The following ITPKB variants were observed in gnomAD, a reference collection of about 807,000 sequenced individuals.
ITPKB encodes the protein IP3 3-kinase B.
ITPKB carries 13 observed loss-of-function variants against 69.4 expected under a neutral mutation model. The ratio of observed to expected loss-of-function variants is 0.19; its 90% CI spans 0.12 to 0.30. The LOEUF (loss-of-function observed/expected upper bound fraction) is 0.30. Ranked by LOEUF, ITPKB falls within the 10% of genes least tolerant of loss-of-function variation. The pLI, the probability that ITPKB is intolerant of heterozygous loss-of-function variation, is 1.00. For missense variants in ITPKB, 1,240 were observed against 1,250.5 expected, an observed-to-expected ratio of 0.99 and a Z score of 0.13; for synonymous variants, 584 against 513.7, an observed-to-expected ratio of 1.14 and a Z score of -1.85.
intron 2 of ITPKB, among the ~76,000 whole-genome samples, chr1:226,661,187 T>G (rs1669396908): frequency 2.0e-5 from 3 of 152,190 alleles, no homozygotes; most frequent in Admixed American, 2.0e-4. Flanking sequence ...TCTGGGGAGC[T>G]AGAGTTGCTT....
Position 226,697,132 on chromosome 1 carries a change from G to A in ITPKB, c.1932+38395C>T, listed in dbSNP as rs567035928. On this transcript the variant is annotated intron_variant, in intron 2 of 7. Coordinates refer to ENST00000429204, the MANE Select transcript of ITPKB (RefSeq NM_002221.4). ...CACCAAAGCAGAAACCTGGGCAAGC[G>A]TCAACTAAATGTTGGTGGGTCCAGG... Among the ~76,000 whole-genome samples the A allele has an allele frequency of 2.5e-4, 38 of 152,324 alleles. No individual in the cohort carries two copies. In the South Asian group the frequency reaches 3.7e-3, roughly 15 times the overall value.
At position 226,736,968 on chromosome 1, in the gene ITPKB, G is replaced by A. The variant is rs540247930; in HGVS notation, c.491C>T (p.Pro164Leu). 7.4e-6 allele frequency: 12 copies of A among 1,612,378 alleles called. No homozygotes were observed. In the Admixed American group the frequency reaches 2.0e-4, roughly 27 times the overall value. ...IQAQSSAIQA[P>L]RSPRLGRARS... Reference sequence around the variant, plus strand: ...AGCCCTGCCCAAACGCGGGCTGCGGGGCGCTTGAATGGCGGAGCTCTGTGC... The same window carrying A: ...AGCCCTGCCCAAACGCGGGCTGCGGAGCGCTTGAATGGCGGAGCTCTGTGC... Residue 164 changes from proline to leucine, a missense_variant, in exon 2 of 8, where the codon CCC becomes CTC. Physicochemically the swap from Pro to Leu is moderately conservative, Grantham distance 98. This residue lies in a region of ITPKB where 992 missense variants were observed against 853.8 expected (regional missense o/e 1.16). Transcript: ENST00000429204.
intron 7 of ITPKB, among the ~76,000 whole-genome samples, chr1:226,636,636 G>C (rs932153507): frequency 6.6e-6 from 1 of 152,198 alleles, no homozygotes; most frequent in Non-Finnish European, 1.5e-5. Flanking sequence ...ACCTCCACAA[G>C]AGAGTCCCTA....
At chr1:226,728,224 TA>T (rs1204144399) in intron 2 of ITPKB, among the ~76,000 whole-genome samples, 1 of 152,188 alleles carries the variant, frequency 6.6e-6, no homozygotes, top group African/African-American at 2.4e-5. Context: ...AAAATAGAAG[TA>T]AAAATCTCAG....
chr1:226,695,524 G>T (rs947548063), intron 2 of ITPKB, among the ~76,000 whole-genome samples: 2 of 152,142 alleles, frequency 1.3e-5, no homozygotes, highest in African/African-American at 4.8e-5. Context: ...CATAATCTTG[G>T]CTGCACTGAC....
At position 226,737,506 on chromosome 1, in the gene ITPKB, C is replaced by G; in HGVS notation, c.-48G>C. ...GCCGCCGCGGCTCCCGCTCCTGCTCCGCCGCCGGCGCCTCCTCCTCCCGGC... is the reference window on the plus strand; with the variant it reads ...GCCGCCGCGGCTCCCGCTCCTGCTCGGCCGCCGGCGCCTCCTCCTCCCGGC... On this transcript the variant is annotated 5_prime_UTR_variant, in exon 2 of 8. Transcript: ENST00000429204. 2.7e-6 allele frequency: 4 copies of G among 1,455,208 alleles called. No homozygotes were observed. The highest frequency in any genetic ancestry group is 3.6e-6 in the Non-Finnish European group (4 of 1,105,402). 90.1% of individuals were successfully genotyped at this position (1,455,208 alleles called of 1,614,324 possible). A position where few individuals can be genotyped will look rare whatever the true frequency, so the allele number is the denominator to read the frequency against.
chr1:226,667,726 AGGAAGCTAT>A (rs1052099681), intron 2 of ITPKB, among the ~76,000 whole-genome samples: 1 of 152,210 alleles, frequency 6.6e-6, no homozygotes, highest in Non-Finnish European at 1.5e-5. Flanking sequence ...AATTCAGAAG[AGGAAGCTAT>A]TACTTTGGGA....
intron 2 of ITPKB, chr1:226,707,485 C>G (rs764037907): frequency 2.3e-4 from 224 of 975,844 alleles, no homozygotes; most frequent in Non-Finnish European, 2.7e-4. Context: ...ATGTGAGCCA[C>G]TGCGCCTGGC....
chr1:226,702,494 A>G (rs1409060077), intron 2 of ITPKB, among the ~76,000 whole-genome samples: 1 of 152,000 alleles, frequency 6.6e-6, no homozygotes, highest in East Asian at 1.9e-4. Context: ...AGCGCTGCCT[A>G]TCCTCTTCTG....
At chr1:226,696,222 G>A (rs1292911033) in intron 2 of ITPKB, among the ~76,000 whole-genome samples, 1 of 152,174 alleles carries the variant, frequency 6.6e-6, no homozygotes, top group Admixed American at 6.5e-5. Context: ...TCTGTGAAAT[G>A]GGGATAATAA....
At chr1:226,720,197 A>C (rs1184294411) in intron 2 of ITPKB, among the ~76,000 whole-genome samples, 2 of 152,234 alleles carry the variant, frequency 1.3e-5, no homozygotes, top group African/African-American at 4.8e-5. Flanking sequence ...ACGGTACTCC[A>C]GGGGACCTAT....
At chr1:226,647,071 C>T in intron 4 of ITPKB, 96 bp downstream of exon 4, 1 of 1,082,414 alleles carries the variant, frequency 9.2e-7, no homozygotes, top group Non-Finnish European at 1.4e-6. Flanking sequence ...GCCCTTGCAC[C>T]TGTGAGGCCT....
intron 2 of ITPKB, among the ~76,000 whole-genome samples, chr1:226,702,851 G>A (rs537949810): frequency 6.6e-6 from 1 of 152,166 alleles, no homozygotes; most frequent in Non-Finnish European, 1.5e-5. Context: ...TTAACTAACT[G>A]TTCCTTGCCT....
At chr1:226,685,944 G>A (rs1302154684) in intron 2 of ITPKB, among the ~76,000 whole-genome samples, 1 of 152,218 alleles carries the variant, frequency 6.6e-6, no homozygotes, top group Non-Finnish European at 1.5e-5. Flanking sequence ...ACAAGAAACT[G>A]AGGATGGGGG....
At chr1:226,711,232 A>C (rs981342034) in intron 2 of ITPKB, among the ~76,000 whole-genome samples, 1 of 152,180 alleles carries the variant, frequency 6.6e-6, no homozygotes, top group African/African-American at 2.4e-5. Flanking sequence ...ACCATGTCCA[A>C]GCTGACAGGA....
Position 226,647,354 on chromosome 1 carries a change from T to C in ITPKB, c.2059A>G (p.Arg687Gly). 6.2e-7 allele frequency: 1 copy of C among 1,614,012 alleles called. No homozygotes were observed. The highest frequency in any genetic ancestry group is 2.2e-5 in the East Asian group (1 of 44,882). Residue 687 changes from arginine to glycine, a missense_variant, in exon 4 of 8, where the codon AGG (arginine) becomes GGG (glycine). Arg to Gly is a moderately radical substitution (Grantham distance 125, BLOSUM62 -2). Around this residue, in one of 2 missense-constraint regions of ITPKB, gnomAD observed 248 missense variants for 396.7 expected, o/e 0.63. Transcript: ENST00000429204. ...AGSFKAAANG[R>G]ILKKHCESEQ... is the part of the protein sequence containing the mutation. The stretch of plus-strand genomic sequence containing the variant: ...GACTCACAGTGCTTCTTCAGGATCC[T>C]GCCATTGGCAGCTGCCTTGAAACTC...
intron 2 of ITPKB, among the ~76,000 whole-genome samples, chr1:226,722,463 C>T (rs995861575): frequency 2.6e-4 from 39 of 152,212 alleles, no homozygotes; most frequent in Non-Finnish European, 1.8e-4. Context: ...CGGCTCGGCT[C>T]TCAGGAGAGA....
intron 2 of ITPKB, among the ~76,000 whole-genome samples, chr1:226,651,444 G>A (rs979357873): frequency 6.6e-6 from 1 of 152,192 alleles, no homozygotes; most frequent in Non-Finnish European, 1.5e-5. Context: ...TGGGTACCAG[G>A]GTGTCTGTGG....
intron 2 of ITPKB, among the ~76,000 whole-genome samples, chr1:226,660,955 G>A (rs953741958): frequency 2.6e-5 from 4 of 152,250 alleles, no homozygotes; most frequent in Non-Finnish European, 4.4e-5. Flanking sequence ...CTCCTCCCCA[G>A]AGATTTTATT....
Sources: allele counts gnomAD v4.1 joint callset (sites outside exome capture counted in the v4.1 genomes callset), GRCh38; gene constraint gnomAD v4.1.1; regional missense constraint gnomAD v4.1.1; transcripts MANE v1.5; gene names NCBI Gene and HGNC (gene_info 2026-07-23, HGNC 2026-07-21).